Variants in HEY1 observed in about 807,000 individuals in gnomAD.
HEY1 encodes hes related family bHLH transcription factor with YRPW motif 1.
Under a neutral mutation model 28.7 loss-of-function variants are expected in HEY1, and 9 were observed. The observed-to-expected ratio is 0.31, with a 90% CI of 0.19 to 0.55. The LOEUF is 0.55. Among genes scored for constraint, HEY1 ranks in the 20% least tolerant of loss-of-function variants. The pLI is 0.93. For missense variants in HEY1, 385 were observed against 399.4 expected, an observed-to-expected ratio of 0.96 and a Z score of 0.31; for synonymous variants, 213 against 175.6, an observed-to-expected ratio of 1.21 and a Z score of -1.68.
rs756191310 is a variant in HEY1 at position 79,767,198 on chromosome 8, G to A, written c.165+21C>T. 20 of 1,601,998 alleles carry A rather than the reference G, an allele frequency of 1.2e-5. No individual in the cohort carries two copies. The South Asian group carries it at 2.0e-4, about 16-fold the overall frequency. On this transcript the variant is annotated intron_variant, in intron 2 of 4. Coordinates refer to ENST00000354724, the MANE Select transcript of HEY1 (RefSeq NM_012258.4). ...CCGTTAATCAATAACAAAAATAAAAGGAGAGTGTAAAGAGACTCACTCCTC... is the reference window on the plus strand; with the variant it reads ...CCGTTAATCAATAACAAAAATAAAAAGAGAGTGTAAAGAGACTCACTCCTC...
intron 3 of HEY1, 44 bp downstream of exon 3, chr8:79,766,965 G>A (rs1306376141): frequency 4.0e-6 from 6 of 1,490,208 alleles, no homozygotes; most frequent in South Asian, 1.1e-5. Context: ...GATTCAGAAG[G>A]TGCAGATAGC....
At chr8:79,765,896 C>A in intron 4 of HEY1, 125 bp from the exon 5 acceptor site, 2 of 860,214 alleles carry the variant, frequency 2.3e-6, no homozygotes, top group East Asian at 2.7e-5. Context: ...GGGGTTCTTC[C>A]GAAAGTCTTT....
Position 79,765,515 on chromosome 8 carries a change from C to T in HEY1, c.588G>A (p.Leu196=), listed in dbSNP as rs369785407. ...CCGCGTTCCCGTGGCCGTTCTGGGGCAGCAACAGCGGGTGCGCGATGTGCG... is the reference window on the plus strand; with the variant it reads ...CCGCGTTCCCGTGGCCGTTCTGGGGTAGCAACAGCGGGTGCGCGATGTGCG... ...HHPHIAHPLL[L]PQNGHGNAGT... The change falls in exon 5 of 5, where the codon CTG becomes CTA. Residue 196 remains leucine, a synonymous_variant. Coordinates refer to ENST00000354724, the MANE Select transcript of HEY1 (RefSeq NM_012258.4). 50 of 1,613,646 alleles carry T rather than the reference C, an allele frequency of 3.1e-5. No homozygotes were observed. Among genetic ancestry groups the T allele is most frequent in the Non-Finnish European group, 4.2e-5 (49 of 1,179,926 alleles).
rs147496280 is a variant in HEY1 at position 79,765,009 on chromosome 8, G to GA, written c.*178dup. On this transcript the variant is annotated 3_prime_UTR_variant, in exon 5 of 5. Transcript: ENST00000354724. ...AAAAACTGCTAATACATGACATGAT[G>GA]AAAAAAACATTAAAAAAGATAAAAG... 2.9e-5 allele frequency: 15 copies of GA among 523,970 alleles called. No individual in the cohort carries two copies. Among genetic ancestry groups the GA allele is most frequent in the South Asian group, 3.7e-5 (1 of 26,672 alleles). 32.5% of individuals were successfully genotyped at this position (523,970 alleles called of 1,614,324 possible).
rs1289917435 is a variant in HEY1 at position 79,765,369 on chromosome 8, G to T, written c.734C>A (p.Thr245Asn). 1.9e-6 allele frequency: 3 copies of T among 1,590,288 alleles called. No homozygotes were observed. In the South Asian group the frequency reaches 3.4e-5, roughly 18 times the overall value. Residue 245 changes from threonine (T) to asparagine (N), a missense_variant, in exon 5 of 5, where the codon ACC (threonine) becomes AAC (asparagine). Transcript: ENST00000354724. Reference protein sequence around the residue: ...GSLGPVLPVVTSASKLSPPLL... With the variant: ...GSLGPVLPVVNSASKLSPPLL... ...AGGCGGCGACAGTTTGGAGGCGGAG[G>T]TGACCACAGGGAGCACCGGTCCGAG...
chr8:79,764,375 G>T lies in HEY1; in HGVS notation c.*813C>A. The T allele has an allele frequency of 4.4e-6, 1 of 226,816 alleles. No homozygotes were observed. The highest frequency in any genetic ancestry group is 6.4e-5 in the East Asian group (1 of 15,730). 14.1% of individuals were successfully genotyped at this position (226,816 alleles called of 1,614,324 possible). A position where few individuals can be genotyped will look rare whatever the true frequency, so the allele number is the denominator to read the frequency against. On this transcript the variant is annotated 3_prime_UTR_variant, in exon 5 of 5. Coordinates refer to ENST00000354724, the MANE Select transcript of HEY1 (RefSeq NM_012258.4). Reference sequence around the variant, plus strand: ...ACATTTGTGAATTTGAGATCCGTGTGATTAAAAATTCTTTGTGTTGCTGGG... The same window carrying T: ...ACATTTGTGAATTTGAGATCCGTGTTATTAAAAATTCTTTGTGTTGCTGGG...
chr8:79,767,715 G>A lies in HEY1; in HGVS notation c.-52C>T, dbSNP rs1415451101. The A allele has an allele frequency of 7.4e-7, 1 of 1,354,842 alleles. No individual in the cohort carries two copies. The highest frequency in any genetic ancestry group is 1.2e-5 in the South Asian group (1 of 80,494). The allele number at this position is 1,354,842 out of a possible 1,614,324, so 83.9% of individuals were successfully genotyped here. On this transcript the variant is annotated 5_prime_UTR_variant, in exon 1 of 5. Coordinates refer to ENST00000354724, the MANE Select transcript of HEY1 (RefSeq NM_012258.4). The stretch of plus-strand genomic sequence containing the variant: ...GGGTCGGCGCGGCGGGCAGGGAGGA[G>A]TTAACTACAGCGGCGCCTCTCCGCT...
chr8:79,765,716 T>C lies in HEY1; in HGVS notation c.387A>G (p.Glu129=), dbSNP rs1264377821. 2.5e-6 allele frequency: 4 copies of C among 1,614,162 alleles called. No homozygotes were observed. Among genetic ancestry groups the C allele is most frequent in the East Asian group, 4.5e-5 (2 of 44,884 alleles). The change falls in exon 5 of 5, where the codon GAA becomes GAG. Residue 129 remains glutamate, a synonymous_variant. Transcript: ENST00000354724. The part of the protein sequence containing the change: ...AMDYRSLGFR[E]CLAEVARYLS... Reference sequence around the variant, plus strand: ...GATAACGCGCAACTTCTGCCAGGCATTCCCGAAATCCCAAACTCCGATAGT... The same window carrying C: ...GATAACGCGCAACTTCTGCCAGGCACTCCCGAAATCCCAAACTCCGATAGT...
intron 4 of HEY1, chr8:79,766,383 C>T (rs747215100): frequency 6.9e-6 from 10 of 1,457,942 alleles, no homozygotes; most frequent in Non-Finnish European, 9.0e-6. Context: ...TGAATCAGGG[C>T]TGTCACAACT....
chr8:79,765,281 C>G lies in HEY1; in HGVS notation c.822G>C (p.Leu274=), dbSNP rs1807799944. ...CTGAAGGGCTCAGTGCATTGGGAGA[C>G]AGTAAGTGGAAGGAGCCGAAAGAGA... ...FPFSFGSFHL[L]SPNALSPSAP... The change falls in exon 5 of 5, where the codon CTG becomes CTC. Residue 274 remains leucine (L), a synonymous_variant. Coordinates refer to ENST00000354724, the MANE Select transcript of HEY1 (RefSeq NM_012258.4). The G allele has an allele frequency of 6.4e-7, 1 of 1,555,622 alleles. No homozygotes were observed. The highest frequency in any genetic ancestry group is 1.4e-5 in the African/African-American group (1 of 73,522).
Position 79,765,055 on chromosome 8 carries a change from CT to C in HEY1, c.*132del. 2 of 613,496 alleles carry C rather than the reference CT, an allele frequency of 3.3e-6. No homozygotes were observed. The highest frequency in any genetic ancestry group is 5.4e-6 in the Non-Finnish European group (2 of 372,724). The allele number at this position is 613,496 out of a possible 1,614,324, so 38.0% of individuals were successfully genotyped here. On this transcript the variant is annotated 3_prime_UTR_variant, in exon 5 of 5. Coordinates refer to ENST00000354724, the MANE Select transcript of HEY1 (RefSeq NM_012258.4). ...AAAAGTAAACCAACAAACCTTTAGT[CT>C]TTAAAAAAAAAATTATCTGAAAGTG...
chr8:79,767,364 GC>G (rs1807871840), intron 1 of HEY1, 70 bp from the exon 2 acceptor site: 2 of 1,367,750 alleles, frequency 1.5e-6, no homozygotes, highest in Non-Finnish European at 2.1e-6. Flanking sequence ...CTGAGAGGTC[GC>G]CCCCACACCC....
At chr8:79,765,961 G>T (rs916316501) in intron 4 of HEY1, among the ~76,000 whole-genome samples, 190 bp from the exon 5 acceptor site, 1 of 152,210 alleles carries the variant, frequency 6.6e-6, no homozygotes, top group East Asian at 1.9e-4. Flanking sequence ...GTTTGCTAAT[G>T]CAAGTTCAAA....
intron 4 of HEY1, chr8:79,766,274 C>T: frequency 1.3e-6 from 2 of 1,521,600 alleles, no homozygotes; most frequent in African/African-American, 2.8e-5. Flanking sequence ...GTGGCAGCAC[C>T]TTTTTTTTAA....
In HEY1 at chr8:79,767,004, A is replaced by G. The variant is rs1807859747; in HGVS notation, c.249+5T>C. ...GCTGAGAGCTTTACCTACTTGCTCC[A>G]TTACCTGCTTCTCAAAAGCACTGGG... On this transcript the variant is annotated splice_donor_5th_base_variant and intron_variant, in intron 3 of 4. Transcript: ENST00000354724. 6.2e-7 allele frequency: 1 copy of G among 1,612,214 alleles called. No homozygotes were observed. Among genetic ancestry groups the G allele is most frequent in the South Asian group, 1.1e-5 (1 of 91,038 alleles).
In HEY1 at chr8:79,764,582, G is replaced by A. The variant is rs1265908056; in HGVS notation, c.*606C>T. On this transcript the variant is annotated 3_prime_UTR_variant, in exon 5 of 5. Coordinates refer to ENST00000354724, the MANE Select transcript of HEY1 (RefSeq NM_012258.4). ...CAACAGTTTGTACATTCACCTTTCT[G>A]CTATAGGAGGCAGACAATTTACTAG... 1 of 225,394 alleles carries A rather than the reference G, an allele frequency of 4.4e-6. No homozygotes were observed. Among genetic ancestry groups the A allele is most frequent in the Admixed American group, 5.7e-5 (1 of 17,510 alleles). 14.0% of individuals were successfully genotyped at this position (225,394 alleles called of 1,614,324 possible). A position where few individuals can be genotyped will look rare whatever the true frequency, so the allele number is the denominator to read the frequency against.
chr8:79,767,415 G>A (rs1186585124), intron 1 of HEY1, 121 bp from the exon 2 acceptor site: 2 of 1,123,980 alleles, frequency 1.8e-6, no homozygotes, highest in Admixed American at 4.7e-5. Flanking sequence ...GGGCTGGAAG[G>A]CACCTAGGGG....
At chr8:79,766,212 C>T (rs1807830411) in intron 4 of HEY1, 2 of 1,534,862 alleles carry the variant, frequency 1.3e-6, no homozygotes, top group African/African-American at 2.7e-5. Context: ...CCTTGGTCTC[C>T]CGTTAGGTTT....
rs1445487539 is a variant in HEY1, at chr8:79,764,522, G to C, written c.*666C>G. On this transcript the variant is annotated 3_prime_UTR_variant, in exon 5 of 5. Transcript: ENST00000354724. ...TAAATCAGAACTGCCAGTCCTGGCA[G>C]ATACCAGCAGCTGGTCAGATGGATT... is the stretch of plus-strand genomic sequence containing the variant. The C allele has an allele frequency of 1.3e-5, 3 of 227,642 alleles. No individual in the cohort carries two copies. Among genetic ancestry groups the C allele is most frequent in the Non-Finnish European group, 2.6e-5 (3 of 114,578 alleles). The allele number at this position is 227,642 out of a possible 1,614,324, so 14.1% of individuals were successfully genotyped here.
Sources: allele counts gnomAD v4.1 joint callset (sites outside exome capture counted in the v4.1 genomes callset), GRCh38; gene constraint gnomAD v4.1.1; transcripts MANE v1.5; gene names NCBI Gene and HGNC (gene_info 2026-07-23, HGNC 2026-07-21).